The following MGAM variants were observed in gnomAD, a reference collection of about 807,000 sequenced individuals.
The protein encoded by MGAM is maltase-glucoamylase, also known as alpha-1,4-glucosidase.
A neutral mutation model predicts 358.8 loss-of-function variants in MGAM; 253 were observed. That is an observed-to-expected ratio of 0.71 (90% CI 0.64 to 0.78). The LOEUF (loss-of-function observed/expected upper bound fraction) is 0.78. MGAM is among the 30% of genes least tolerant of loss of function. MGAM has a pLI of 0.00. For missense variants in MGAM, 3,080 were observed against 3,432.6 expected (o/e 0.90, Z 2.57); for synonymous variants, 1,105 against 1,227.1 (o/e 0.90, Z 2.08).
intron 35 of MGAM, among the ~76,000 whole-genome samples, chr7:142,063,216 C>CAA (rs11461388): frequency 9.7e-4 from 145 of 148,810 alleles, no homozygotes; most frequent in East Asian, 1.8e-3. Context: ...AAAACAAAAC[C>CAA]AAAAAAAAAA....
At chr7:142,044,061 A>G (rs1230283191) in intron 21 of MGAM, among the ~76,000 whole-genome samples, 2 of 140,478 alleles carry the variant, frequency 1.4e-5, no homozygotes, top group African/African-American at 5.3e-5. Flanking sequence ...TTATATACAC[A>G]TACGACGTAT....
chr7:142,098,678 G>T (rs1438570448), intron 66 of MGAM, among the ~76,000 whole-genome samples: 5 of 152,132 alleles, frequency 3.3e-5, no homozygotes, highest in Non-Finnish European at 5.9e-5. Context: ...GTGTGTCCCA[G>T]CCAGGCGTTT....
chr7:142,037,052 T>C, intron 18 of MGAM, 75 bp downstream of exon 18: 2 of 1,433,464 alleles, frequency 1.4e-6, no homozygotes, highest in South Asian at 1.3e-5. Context: ...AATATCAGAG[T>C]GAAAACTGAA....
intron 52 of MGAM, 101 bp downstream of exon 52, chr7:142,082,672 T>G: frequency 1.0e-6 from 1 of 974,588 alleles, no homozygotes; most frequent in Non-Finnish European, 1.5e-6. Flanking sequence ...GTCAAAATCT[T>G]CATTTTACGG....
intron 25 of MGAM, 109 bp downstream of exon 25, chr7:142,052,555 C>A (rs1811098173): frequency 1.4e-6 from 2 of 1,447,612 alleles, no homozygotes; most frequent in Non-Finnish European, 9.3e-7. Flanking sequence ...ATAGAAAGAA[C>A]TTCCTAAGGG....
intron 53 of MGAM, 60 bp from the exon 54 acceptor site, chr7:142,084,459 T>C (rs1333960416): frequency 6.7e-7 from 1 of 1,496,504 alleles, no homozygotes; most frequent in Non-Finnish European, 9.2e-7. Context: ...TATTACTTGA[T>C]GTAAAACTTC....
intron 45 of MGAM, among the ~76,000 whole-genome samples, chr7:142,074,402 C>T (rs5018141): frequency 0.096 from 14,072 of 145,932 alleles, 2,095 homozygotes; most frequent in African/African-American, 0.23. Flanking sequence ...GCCAGTGATA[C>T]CTATAATGGC....
chr7:142,077,510 A>G, intron 47 of MGAM, among the ~76,000 whole-genome samples: 1 of 145,982 alleles, frequency 6.9e-6, no homozygotes, highest in Non-Finnish European at 1.6e-5. Flanking sequence ...TAAGAAAAAT[A>G]TATGGAAAAT....
Position 142,045,577 on chromosome 7 carries a change from T to A in MGAM, c.2499-2208T>A, listed in dbSNP as rs1329422953. Among the ~76,000 whole-genome samples, 33 of 74,096 alleles carry A rather than the reference T, an allele frequency of 4.5e-4. 1 individual carries two copies. The highest frequency in any genetic ancestry group is 1.7e-3 in the South Asian group (4 of 2,412). The allele number at this position is 74,096 out of a possible 152,430, so 48.6% of individuals were successfully genotyped here. The stretch of plus-strand genomic sequence containing the variant: ...CAATATATGAATATATAATATATAT[T>A]ATATATACATACAATATATGAATAT... On this transcript the variant is annotated intron_variant, in intron 21 of 70. Coordinates refer to ENST00000475668, the MANE Select transcript of MGAM (RefSeq NM_001365693.1).
chr7:142,066,988 C>CCTAT (rs1374081177), intron 41 of MGAM, among the ~76,000 whole-genome samples: 3 of 146,062 alleles, frequency 2.1e-5, no homozygotes, highest in Admixed American at 1.4e-4. Context: ...TGTGCAAAGG[C>CCTAT]CTATCTTATG....
intron 70 of MGAM, among the ~76,000 whole-genome samples, chr7:142,104,139 A>G (rs949133689): frequency 3.9e-5 from 6 of 152,198 alleles, no homozygotes; most frequent in African/African-American, 1.4e-4. Flanking sequence ...GGCGTGAGCC[A>G]CTGTGCCCAG....
intron 15 of MGAM, 60 bp downstream of exon 15, chr7:142,034,439 T>C: frequency 7.9e-7 from 1 of 1,262,460 alleles, no homozygotes. Flanking sequence ...ATATATGTTT[T>C]TAATTCTTGG....
intron 34 of MGAM, among the ~76,000 whole-genome samples, chr7:142,061,009 A>C (rs537894429): frequency 2.0e-5 from 3 of 152,150 alleles, no homozygotes; most frequent in Non-Finnish European, 4.4e-5. Context: ...TCTGGACCTG[A>C]ATTTTTTTCC....
Position 142,073,402 on chromosome 7 carries a change from A to G in MGAM, c.5187-683A>G, listed in dbSNP as rs1813502031. 1.4e-5 allele frequency among the ~76,000 whole-genome samples: 2 copies of G among 145,944 alleles called. 1 individual carries two copies. Among genetic ancestry groups the G allele is most frequent in the Non-Finnish European group, 3.1e-5 (2 of 64,430 alleles). ...TGAGAGACAGAGGAGGAATAGGAAG[A>G]GCAGGAAACTGAGAGGTTGCCTAGA... On this transcript the variant is annotated intron_variant, in intron 44 of 70. Transcript: ENST00000475668.
At chr7:142,023,199 T>C (rs1806622660) in intron 7 of MGAM, among the ~76,000 whole-genome samples, 1 of 152,048 alleles carries the variant, frequency 6.6e-6, no homozygotes, top group East Asian at 1.9e-4. Flanking sequence ...TAGCTGAGAC[T>C]AAAGGTGCGT....
intron 53 of MGAM, among the ~76,000 whole-genome samples, 152 bp from the exon 54 acceptor site, chr7:142,084,367 T>A (rs1276696837): frequency 6.8e-6 from 1 of 146,328 alleles, no homozygotes; most frequent in African/African-American, 2.4e-5. Context: ...TCTCCAAGTA[T>A]CCTAGTGGCT....
At chr7:142,027,533 C>T (rs1807086733) in intron 9 of MGAM, 77 bp from the exon 10 acceptor site, 1 of 1,475,304 alleles carries the variant, frequency 6.8e-7, no homozygotes, top group East Asian at 2.3e-5. Flanking sequence ...ATGTTTGGTG[C>T]TCTGAAAGCA....
At chr7:142,098,045 T>C (rs550742868) in intron 66 of MGAM, among the ~76,000 whole-genome samples, 1 of 152,328 alleles carries the variant, frequency 6.6e-6, no homozygotes, top group Non-Finnish European at 1.5e-5. Flanking sequence ...GAGGCCTTTT[T>C]GTCTCTGTCT....
rs1470389897 is a variant in MGAM at position 142,042,516 on chromosome 7, A to G, written c.2498+1670A>G. ...ATATATATAATATATAATATATATT[A>G]TATATACATATTATATATATAATAT... On this transcript the variant is annotated intron_variant, in intron 21 of 70. Coordinates refer to ENST00000475668, the MANE Select transcript of MGAM (RefSeq NM_001365693.1). 4.6e-4 allele frequency among the ~76,000 whole-genome samples: 8 copies of G among 17,242 alleles called. 1 individual carries two copies. Among genetic ancestry groups the G allele is most frequent in the African/African-American group, 2.6e-3 (8 of 3,100 alleles). The allele number at this position is 17,242 out of a possible 152,430, so 11.3% of individuals were successfully genotyped here.
Sources: allele counts gnomAD v4.1 joint callset (sites outside exome capture counted in the v4.1 genomes callset), GRCh38; gene constraint gnomAD v4.1.1; transcripts MANE v1.5; gene names NCBI Gene and HGNC (gene_info 2026-07-23, HGNC 2026-07-21).